RNF220: variants seen among roughly 807,000 people sequenced by gnomAD.
The protein encoded by RNF220 is ring finger protein 220.
Under a neutral mutation model 67.1 loss-of-function variants are expected in RNF220, and 7 were observed. The ratio of observed to expected loss-of-function variants is 0.10; its 90% confidence interval spans 0.06 to 0.20. The LOEUF is 0.20. Among genes scored for constraint, RNF220 ranks in the 10% least tolerant of loss-of-function variants. The probability of loss-of-function intolerance (pLI) is 1.00; values close to 1 mark genes in which losing one functional copy is unlikely to be tolerated. For synonymous variants in RNF220, 270 were observed against 283.2 expected (o/e 0.95, Z 0.47); for missense variants, 565 against 740.3 (o/e 0.76, Z 2.75).
chr1:44,445,502 C>T (rs1230531407), intron 2 of RNF220, among the ~76,000 whole-genome samples: 1 of 152,084 alleles, frequency 6.6e-6, no homozygotes, highest in Non-Finnish European at 1.5e-5. Flanking sequence ...CTTGCTAGAT[C>T]CTCTCAACTC....
intron 2 of RNF220, among the ~76,000 whole-genome samples, chr1:44,532,623 G>T (rs1660918229): frequency 6.6e-6 from 1 of 152,154 alleles, no homozygotes; most frequent in Non-Finnish European, 1.5e-5. Flanking sequence ...TCAAAGCCTT[G>T]CTTTGTTCTG....
In RNF220 at chr1:44,650,594, C is replaced by A; in HGVS notation, c.1630-110C>A. The A allele has an allele frequency of 8.3e-7, 1 of 1,207,390 alleles. No homozygotes were observed. Among genetic ancestry groups the A allele is most frequent in the South Asian group, 1.2e-5 (1 of 80,036 alleles). 74.8% of individuals were successfully genotyped at this position (1,207,390 alleles called of 1,614,324 possible). ...CGTCCCCAGCCTGGGCTGACAGGAC[C>A]AAGGTCTCAGCACACACTGGTGCAG... On this transcript the variant is annotated intron_variant, in intron 14 of 14. Coordinates refer to ENST00000361799, the MANE Select transcript of RNF220 (RefSeq NM_018150.4). The surrounding 1 kb of genome is among the most constrained non-coding windows in gnomAD (Gnocchi z 4.3).
chr1:44,492,832 T>C (rs1656971399), intron 2 of RNF220, among the ~76,000 whole-genome samples: 1 of 152,132 alleles, frequency 6.6e-6, no homozygotes, highest in South Asian at 2.1e-4. Flanking sequence ...CTAAAAGCCA[T>C]TTGTAGTGAC....
chr1:44,573,965 A>T (rs1225098167), intron 2 of RNF220, among the ~76,000 whole-genome samples: 1 of 152,100 alleles, frequency 6.6e-6, no homozygotes, highest in Admixed American at 6.5e-5. Flanking sequence ...AATACCAAAA[A>T]ATATGAGCTG....
intron 2 of RNF220, among the ~76,000 whole-genome samples, chr1:44,415,612 A>C (rs191599408): frequency 2.2e-4 from 33 of 152,136 alleles, no homozygotes; most frequent in Admixed American, 1.2e-3. Context: ...TCATATAAAT[A>C]TCTTTTCATA....
chr1:44,475,322 G>A (rs1331177305), intron 2 of RNF220, among the ~76,000 whole-genome samples: 1 of 152,090 alleles, frequency 6.6e-6, no homozygotes, highest in Non-Finnish European at 1.5e-5. Flanking sequence ...TGTAATCCCA[G>A]CACTTTGGGA....
In RNF220 at chr1:44,538,840, C is replaced by T. The variant is rs566515726; in HGVS notation, c.626-75325C>T. Among the ~76,000 whole-genome samples, 125 of 149,180 alleles carry T rather than the reference C, an allele frequency of 8.4e-4. 1 individual carries two copies. Among genetic ancestry groups the T allele is most frequent in the Admixed American group, 2.6e-3 (38 of 14,758 alleles). On this transcript the variant is annotated intron_variant, in intron 2 of 14. Transcript: ENST00000361799. ...CTGAGGCAGGAGAATGACTTAAACCCGGGAGGTGGAGGCTGCAGTGAGCTG... is the reference window on the plus strand; with the variant it reads ...CTGAGGCAGGAGAATGACTTAAACCTGGGAGGTGGAGGCTGCAGTGAGCTG...
intron 2 of RNF220, among the ~76,000 whole-genome samples, chr1:44,557,083 A>G (rs986791380): frequency 6.7e-6 from 1 of 149,908 alleles, no homozygotes. Flanking sequence ...CTCAATCCAC[A>G]TACATATATA....
At chr1:44,570,668 A>G (rs1363916506) in intron 2 of RNF220, among the ~76,000 whole-genome samples, 1 of 152,172 alleles carries the variant, frequency 6.6e-6, no homozygotes, top group Non-Finnish European at 1.5e-5. Context: ...CTTCACGCTC[A>G]TGTCGCGATG....
intron 6 of RNF220, among the ~76,000 whole-genome samples, chr1:44,633,569 T>C (rs1456585759): frequency 2.0e-5 from 3 of 152,218 alleles, no homozygotes; most frequent in South Asian, 2.1e-4. Context: ...GCCCAGTCCA[T>C]TGGGGTGCTT....
At chr1:44,463,881 A>G (rs903663282) in intron 2 of RNF220, among the ~76,000 whole-genome samples, 1 of 152,168 alleles carries the variant, frequency 6.6e-6, no homozygotes, top group Non-Finnish European at 1.5e-5. Flanking sequence ...CCAGGGACAG[A>G]GTCTTTCCTT....
chr1:44,646,243 G>A (rs1644642681), intron 12 of RNF220, among the ~76,000 whole-genome samples: 1 of 152,276 alleles, frequency 6.6e-6, no homozygotes, highest in South Asian at 2.1e-4. Context: ...TTTGCCTCCT[G>A]CCAGGAGAGT....
chr1:44,412,620 G>C lies in RNF220; in HGVS notation c.523G>C (p.Gly175Arg). The change falls in exon 2 of 15, where the codon GGT becomes CGT. Residue 175 changes from glycine to arginine, a missense_variant. Gly to Arg is a moderately radical substitution (Grantham distance 125, BLOSUM62 -2). Coordinates refer to ENST00000361799, the MANE Select transcript of RNF220 (RefSeq NM_018150.4). This position sits in a 1 kb window ranked among gnomAD's most constrained non-coding sequence, Gnocchi z 5.3. ...GACACAGCTGCCATCTAGCTCCCCC[G>C]GTTCACTAAAGGTTGATGACACTGG... ...FGTQLPSSSP[G>R]SLKVDDTGKK... 1 of 1,614,126 alleles carries C rather than the reference G, an allele frequency of 6.2e-7. No homozygotes were observed. Among genetic ancestry groups the C allele is most frequent in the East Asian group, 2.2e-5 (1 of 44,874 alleles).
chr1:44,493,456 G>T (rs1444759126), intron 2 of RNF220, among the ~76,000 whole-genome samples: 2 of 152,156 alleles, frequency 1.3e-5, no homozygotes, highest in African/African-American at 4.8e-5. Context: ...GGAGGTTGCG[G>T]TGAGCCAAGA....
At chr1:44,620,621 T>C (rs1643751155) in intron 3 of RNF220, among the ~76,000 whole-genome samples, 1 of 152,258 alleles carries the variant, frequency 6.6e-6, no homozygotes, top group South Asian at 2.1e-4. Context: ...CATAATTGAA[T>C]GGAACCTGTT....
rs1486105596 is a variant in RNF220, at chr1:44,622,864, AG to A, written c.804+79del. On this transcript the variant is annotated intron_variant, in intron 4 of 14. Coordinates refer to ENST00000361799, the MANE Select transcript of RNF220 (RefSeq NM_018150.4). This position sits in a 1 kb window ranked among gnomAD's most constrained non-coding sequence, Gnocchi z 4.3. The stretch of plus-strand genomic sequence containing the variant: ...CCAGAACTGGTTCCTCCTGAGAAAA[AG>A]GAGCTTTTCTAGTATCCTCAACTAT... The A allele has an allele frequency of 3.9e-6, 5 of 1,282,390 alleles. No homozygotes were observed. The highest frequency in any genetic ancestry group is 5.6e-6 in the Non-Finnish European group (5 of 884,984). The allele number at this position is 1,282,390 out of a possible 1,614,324, so 79.4% of individuals were successfully genotyped here. A position where few individuals can be genotyped will look rare whatever the true frequency, so the allele number is the denominator to read the frequency against.
At chr1:44,448,739 C>G (rs1652356568) in intron 2 of RNF220, among the ~76,000 whole-genome samples, 1 of 152,172 alleles carries the variant, frequency 6.6e-6, no homozygotes, top group African/African-American at 2.4e-5. Context: ...CAAGATGCTT[C>G]CAACGTAATT....
intron 2 of RNF220, chr1:44,572,917 G>A (rs1336203920): frequency 5.9e-6 from 2 of 338,050 alleles, no homozygotes; most frequent in Non-Finnish European, 6.2e-6. Flanking sequence ...AACAATGAAG[G>A]GAAAGATCCT....
intron 2 of RNF220, among the ~76,000 whole-genome samples, chr1:44,540,230 A>C (rs1361898230): frequency 6.6e-6 from 1 of 152,176 alleles, no homozygotes; most frequent in Non-Finnish European, 1.5e-5. Flanking sequence ...GCAAGACCCC[A>C]CAGCACAGGC....
Sources: allele counts gnomAD v4.1 joint callset (sites outside exome capture counted in the v4.1 genomes callset), GRCh38; gene constraint gnomAD v4.1.1; non-coding constraint Gnocchi (gnomAD v3.1); transcripts MANE v1.5; gene names NCBI Gene and HGNC (gene_info 2026-07-23, HGNC 2026-07-21).